DAZAP1: variants seen among roughly 807,000 people sequenced by gnomAD.
DAZAP1 encodes DAZ associated protein 1, also known as DAZ-associated protein 1.
Under a neutral mutation model 60.1 loss-of-function variants are expected in DAZAP1, and 6 were observed. That is an observed-to-expected ratio of 0.10 (90% CI 0.05 to 0.20). The LOEUF is 0.20. Among genes scored for constraint, DAZAP1 ranks in the 10% least tolerant of loss-of-function variants. DAZAP1 has a pLI of 1.00. For missense variants in DAZAP1, 366 were observed against 560.4 expected (o/e 0.65, Z 3.50); for synonymous variants, 235 against 215.9 (o/e 1.09, Z -0.78).
At chr19:1,410,840 A>G (rs2082808349) in intron 1 of DAZAP1, among the ~76,000 whole-genome samples, 1 of 152,326 alleles carries the variant, frequency 6.6e-6, no homozygotes, top group African/African-American at 2.4e-5. Flanking sequence ...ATGGTAAGAC[A>G]GGGACACCTG....
chr19:1,428,538 C>T lies in DAZAP1; in HGVS notation c.547-304C>T. 1 of 300,320 alleles carries T rather than the reference C, an allele frequency of 3.3e-6. No homozygotes were observed. Among genetic ancestry groups the T allele is most frequent in the Non-Finnish European group, 6.2e-6 (1 of 161,190 alleles). The allele number at this position is 300,320 out of a possible 1,614,324, so 18.6% of individuals were successfully genotyped here. Reference sequence around the variant, plus strand: ...TGCCATTTTACTTGAGTGAAAGACCCTTCGTCACGCACGAAACCCCCGAGG... The same window carrying T: ...TGCCATTTTACTTGAGTGAAAGACCTTTCGTCACGCACGAAACCCCCGAGG... On this transcript the variant is annotated intron_variant, in intron 7 of 11. Transcript: ENST00000233078. This position sits in a 1 kb window ranked among gnomAD's most constrained non-coding sequence, Gnocchi z 4.0.
Position 1,428,969 on chromosome 19 carries a change from C to T in DAZAP1, c.674C>T (p.Thr225Met), listed in dbSNP as rs2144892629. The stretch of plus-strand genomic sequence containing the variant: ...GGCTGGGCAGGCCAGCCCCCGCCCA[C>T]GTGGCAGCAAGGATATGGCCCGCAA... ...ANGWAGQPPP[T>M]WQQGYGPQGM... The change falls in exon 8 of 12, where the codon ACG (threonine) becomes ATG (methionine). Residue 225 changes from threonine to methionine, a missense_variant. Transcript: ENST00000233078. The surrounding 1 kb of genome is among the most constrained non-coding windows in gnomAD (Gnocchi z 4.0). 2 of 1,604,712 alleles carry T rather than the reference C, an allele frequency of 1.2e-6. No individual in the cohort carries two copies. Among genetic ancestry groups the T allele is most frequent in the South Asian group, 1.1e-5 (1 of 90,342 alleles).
In DAZAP1 at chr19:1,418,762, G is replaced by T; in HGVS notation, c.303+31G>T. 6.3e-7 allele frequency: 1 copy of T among 1,579,138 alleles called. No individual in the cohort carries two copies. Among genetic ancestry groups the T allele is most frequent in the East Asian group, 2.2e-5 (1 of 44,484 alleles). ...GGGCTGGGCCGGGCGGCCTCCTTGT[G>T]TGTTCTCCACTCCACGTGGAAAGGA... On this transcript the variant is annotated intron_variant, in intron 4 of 11. Transcript: ENST00000233078. This position sits in a 1 kb window ranked among gnomAD's most constrained non-coding sequence, Gnocchi z 5.7.
chr19:1,419,451 C>A (rs2083082032), intron 4 of DAZAP1, among the ~76,000 whole-genome samples: 1 of 152,206 alleles, frequency 6.6e-6, no homozygotes, highest in Non-Finnish European at 1.5e-5. Flanking sequence ...TCCACATACA[C>A]CATTCCTAAG....
At chr19:1,430,172 C>G (rs1170452389) in intron 9 of DAZAP1, 50 bp from the exon 10 acceptor site, 1 of 1,566,596 alleles carries the variant, frequency 6.4e-7, no homozygotes, top group East Asian at 2.2e-5. Context: ...TGTGGCCAGT[C>G]TGTGTTGTCC....
rs1206817759 is a variant in DAZAP1, at chr19:1,428,313, C to G, written c.547-529C>G. 6.6e-6 allele frequency: 1 copy of G among 152,460 alleles called. No homozygotes were observed. The highest frequency in any genetic ancestry group is 1.9e-4 in the East Asian group (1 of 5,208). 9.4% of individuals were successfully genotyped at this position (152,460 alleles called of 1,614,324 possible). On this transcript the variant is annotated intron_variant, in intron 7 of 11. Transcript: ENST00000233078. This position sits in a 1 kb window ranked among gnomAD's most constrained non-coding sequence, Gnocchi z 4.0. ...TTAATTGAGATTCTTTAAGCGTTAGCCTGGGGAAGGTAAGTCTTTATCTTC... is the reference window on the plus strand; with the variant it reads ...TTAATTGAGATTCTTTAAGCGTTAGGCTGGGGAAGGTAAGTCTTTATCTTC...
intron 4 of DAZAP1, among the ~76,000 whole-genome samples, chr19:1,419,686 T>C (rs1184141775): frequency 2.0e-5 from 3 of 152,196 alleles, no homozygotes; most frequent in Non-Finnish European, 4.4e-5. Context: ...TCTTAAGATA[T>C]AATGGGCACG....
Position 1,434,556 on chromosome 19 carries a change from A to C in DAZAP1, c.1049-181A>C. On this transcript the variant is annotated intron_variant, in intron 11 of 11. Coordinates refer to ENST00000233078, the MANE Select transcript of DAZAP1 (RefSeq NM_018959.4). This position sits in a 1 kb window ranked among gnomAD's most constrained non-coding sequence, Gnocchi z 8.0. ...GCCCCTGCTCACATGTTTTTGAGGG[A>C]GAGAACATGCCCGGGGTCCTCTCCC... is the stretch of plus-strand genomic sequence containing the variant. The C allele has an allele frequency of 1.7e-6, 1 of 581,332 alleles. No individual in the cohort carries two copies. The highest frequency in any genetic ancestry group is 3.3e-5 in the East Asian group (1 of 30,520). The allele number at this position is 581,332 out of a possible 1,614,324, so 36.0% of individuals were successfully genotyped here.
chr19:1,412,719 C>T (rs576508169), intron 1 of DAZAP1, among the ~76,000 whole-genome samples: 11 of 152,318 alleles, frequency 7.2e-5, no homozygotes, highest in South Asian at 2.1e-4. Context: ...ACGCAGCAAG[C>T]GAGGTTGCCA....
chr19:1,419,839 A>G (rs4807116), intron 4 of DAZAP1, among the ~76,000 whole-genome samples: 5,724 of 117,470 alleles, frequency 0.049, 332 homozygotes, highest in East Asian at 0.24. Flanking sequence ...CACCCCACGC[A>G]CACACTCGTG....
At chr19:1,411,230 A>G (rs1211682805) in intron 1 of DAZAP1, among the ~76,000 whole-genome samples, 2 of 152,196 alleles carry the variant, frequency 1.3e-5, no homozygotes, top group African/African-American at 4.8e-5. Flanking sequence ...ATTCCGAGGC[A>G]GGTCTCCTGG....
chr19:1,410,351 A>G (rs982932665), intron 1 of DAZAP1, among the ~76,000 whole-genome samples: 20 of 152,078 alleles, frequency 1.3e-4, no homozygotes, highest in Non-Finnish European at 1.5e-5. Flanking sequence ...CGGACCCTAC[A>G]TGGTGGATGT....
intron 1 of DAZAP1, among the ~76,000 whole-genome samples, chr19:1,410,707 C>T (rs1451986103): frequency 6.6e-6 from 1 of 152,206 alleles, no homozygotes. Context: ...GGGGAGAGGA[C>T]AGAGGCTCAG....
rs966597104 is a variant in DAZAP1, at chr19:1,434,697, C to A, written c.1049-40C>A. On this transcript the variant is annotated intron_variant, in intron 11 of 11. Coordinates refer to ENST00000233078, the MANE Select transcript of DAZAP1 (RefSeq NM_018959.4). The surrounding 1 kb of genome is among the most constrained non-coding windows in gnomAD (Gnocchi z 8.0). ...CCTCGCTCGACGGCAGTGCCAACCGCCCAGGGACCGCCCCGAGCTCACAGG... is the reference window on the plus strand; with the variant it reads ...CCTCGCTCGACGGCAGTGCCAACCGACCAGGGACCGCCCCGAGCTCACAGG... 17 of 1,604,524 alleles carry A rather than the reference C, an allele frequency of 1.1e-5. No homozygotes were observed. In the African/African-American group the frequency reaches 1.3e-4, roughly 13 times the overall value.
Position 1,423,940 on chromosome 19 carries a change from G to T in DAZAP1, c.463+1544G>T, listed in dbSNP as rs2083232881. Reference sequence around the variant, plus strand: ...GTGGCCACATGTCCTTAGCTGTTGGGCTTTGAAAGTGTCCCTTGGGTGTCA... The same window carrying T: ...GTGGCCACATGTCCTTAGCTGTTGGTCTTTGAAAGTGTCCCTTGGGTGTCA... On this transcript the variant is annotated intron_variant, in intron 6 of 11. Transcript: ENST00000233078. This position sits in a 1 kb window ranked among gnomAD's most constrained non-coding sequence, Gnocchi z 6.8. Among the ~76,000 whole-genome samples the T allele has an allele frequency of 6.6e-6, 1 of 152,254 alleles. No homozygotes were observed. Among genetic ancestry groups the T allele is most frequent in the South Asian group, 2.1e-4 (1 of 4,836 alleles).
At position 1,434,711 on chromosome 19, in the gene DAZAP1, C is replaced by A; in HGVS notation, c.1049-26C>A. 6.2e-7 allele frequency: 1 copy of A among 1,608,000 alleles called. No homozygotes were observed. The highest frequency in any genetic ancestry group is 8.5e-7 in the Non-Finnish European group (1 of 1,177,796). ...AGTGCCAACCGCCCAGGGACCGCCC[C>A]GAGCTCACAGGACTTTCTCCCCCAG... is the stretch of plus-strand genomic sequence containing the variant. On this transcript the variant is annotated intron_variant, in intron 11 of 11. Transcript: ENST00000233078. This position sits in a 1 kb window ranked among gnomAD's most constrained non-coding sequence, Gnocchi z 8.0.
At position 1,418,091 on chromosome 19, in the gene DAZAP1, C is replaced by T. The variant is rs978139104; in HGVS notation, c.71-113C>T. On this transcript the variant is annotated intron_variant, in intron 2 of 11. Coordinates refer to ENST00000233078, the MANE Select transcript of DAZAP1 (RefSeq NM_018959.4). This position sits in a 1 kb window ranked among gnomAD's most constrained non-coding sequence, Gnocchi z 5.7. ...ACACCCCCCACCCCCAGTGCAGCAT[C>T]GCTCGGTGCGTGGCTGGTGGACTGG... 1.6e-5 allele frequency: 18 copies of T among 1,113,472 alleles called. No homozygotes were observed. The Admixed American group carries it at 2.3e-4, about 14-fold the overall frequency. 69.0% of individuals were successfully genotyped at this position (1,113,472 alleles called of 1,614,324 possible).
In DAZAP1 at chr19:1,418,422, C is replaced by G. The variant is rs928494187; in HGVS notation, c.237+52C>G. On this transcript the variant is annotated intron_variant, in intron 3 of 11. Transcript: ENST00000233078. This position sits in a 1 kb window ranked among gnomAD's most constrained non-coding sequence, Gnocchi z 5.7. ...CCGCTCTCTGTCTCCCCTGTCCTTCCTCTGCTTCATTTTTTCCTGGACTCT... is the reference window on the plus strand; with the variant it reads ...CCGCTCTCTGTCTCCCCTGTCCTTCGTCTGCTTCATTTTTTCCTGGACTCT... 1.3e-6 allele frequency: 2 copies of G among 1,593,530 alleles called. No individual in the cohort carries two copies. The highest frequency in any genetic ancestry group is 1.7e-6 in the Non-Finnish European group (2 of 1,166,120).
chr19:1,413,060 T>C (rs1378689715), intron 1 of DAZAP1, among the ~76,000 whole-genome samples: 1 of 152,110 alleles, frequency 6.6e-6, no homozygotes, highest in Non-Finnish European at 1.5e-5. Flanking sequence ...AGAGGCAGGG[T>C]GCAGGAGCCA....
Sources: gnomAD v4.1 joint callset for allele counts (sites outside exome capture counted in the v4.1 genomes callset) on GRCh38, gnomAD v4.1.1 for gene constraint, Gnocchi (gnomAD v3.1) non-coding constraint, MANE v1.5 for transcripts, NCBI Gene and HGNC (gene_info 2026-07-23, HGNC 2026-07-21) for gene names.